The following EPB41L2 variants were observed in gnomAD, a reference collection of about 807,000 sequenced individuals.
The protein encoded by EPB41L2 is band 4.1-like protein 2.
EPB41L2 carries 43 observed loss-of-function variants against 113.0 expected under a neutral mutation model. The ratio of observed to expected loss-of-function variants is 0.38; its 90% CI spans 0.30 to 0.49. The LOEUF is 0.49. Ranked by LOEUF, EPB41L2 falls within the 20% of genes least tolerant of loss-of-function variation. The pLI is 0.95. For synonymous variants in EPB41L2, 442 were observed against 436.7 expected, an observed-to-expected ratio of 1.01 and a Z score of -0.15; for missense variants, 1,147 against 1,223.4, an observed-to-expected ratio of 0.94 and a Z score of 0.93.
intron 1 of EPB41L2, among the ~76,000 whole-genome samples, chr6:130,966,988 C>G (rs1303936224): frequency 6.6e-6 from 1 of 152,174 alleles, no homozygotes; most frequent in Non-Finnish European, 1.5e-5. Context: ...CCACTTACCC[C>G]CAATCTAGAT....
intron 18 of EPB41L2, among the ~76,000 whole-genome samples, chr6:130,863,242 T>C (rs945092664): frequency 4.6e-5 from 7 of 152,214 alleles, no homozygotes; most frequent in East Asian, 1.9e-4. Flanking sequence ...ATAAATATAC[T>C]TGAAAAGTTC....
intron 8 of EPB41L2, 102 bp downstream of exon 8, chr6:130,899,389 T>C (rs1227605417): frequency 1.1e-6 from 1 of 906,748 alleles, no homozygotes; most frequent in Admixed American, 2.0e-5. Flanking sequence ...AAAGCAAATA[T>C]CCTTTTCCCA....
chr6:130,953,350 G>A (rs1184279109), intron 3 of EPB41L2, among the ~76,000 whole-genome samples: 2 of 152,098 alleles, frequency 1.3e-5, no homozygotes, highest in Non-Finnish European at 2.9e-5. Flanking sequence ...AAAGCTTTAA[G>A]GACTGCCATG....
intron 19 of EPB41L2, among the ~76,000 whole-genome samples, chr6:130,851,114 C>G (rs1362833620): frequency 6.6e-6 from 1 of 152,098 alleles, no homozygotes; most frequent in African/African-American, 2.4e-5. Flanking sequence ...AATAAAAATG[C>G]AACACACCTG....
chr6:130,894,814 C>CCAAAAAAA (rs1794104306), intron 9 of EPB41L2, among the ~76,000 whole-genome samples, 153 bp downstream of exon 9: 1 of 152,002 alleles, frequency 6.6e-6, no homozygotes, highest in African/African-American at 2.4e-5. Flanking sequence ...CGTATATATA[C>CCAAAAAAA]TGCAATTTTA....
intron 19 of EPB41L2, among the ~76,000 whole-genome samples, chr6:130,856,753 T>C (rs1326435090): frequency 6.6e-6 from 1 of 152,240 alleles, no homozygotes; most frequent in Non-Finnish European, 1.5e-5. Flanking sequence ...TGTGTTATTG[T>C]GTGATAAGAC....
At chr6:130,951,724 A>G (rs1009143260) in intron 3 of EPB41L2, among the ~76,000 whole-genome samples, 1 of 151,988 alleles carries the variant, frequency 6.6e-6, no homozygotes, top group Admixed American at 6.6e-5. Flanking sequence ...TTCCCATGAG[A>G]GGATCATACT....
At chr6:130,999,490 G>GTTT (rs1783869501) in intron 1 of EPB41L2, among the ~76,000 whole-genome samples, 1 of 152,110 alleles carries the variant, frequency 6.6e-6, no homozygotes, top group Non-Finnish European at 1.5e-5. Flanking sequence ...GCACTCTACT[G>GTTT]GAACAAATAT....
intron 1 of EPB41L2, among the ~76,000 whole-genome samples, chr6:130,959,857 T>C (rs548240606): frequency 6.6e-6 from 1 of 152,308 alleles, no homozygotes; most frequent in East Asian, 1.9e-4. Flanking sequence ...CAAGATAAAT[T>C]GGCAGCTCTC....
intron 1 of EPB41L2, among the ~76,000 whole-genome samples, chr6:131,017,160 T>C (rs562694667): frequency 1.3e-5 from 2 of 152,186 alleles, no homozygotes; most frequent in Non-Finnish European, 2.9e-5. Context: ...TGTCATATTA[T>C]CTCATAAAGT....
At chr6:130,943,487 T>C (rs1811606914) in intron 3 of EPB41L2, among the ~76,000 whole-genome samples, 1 of 152,220 alleles carries the variant, frequency 6.6e-6, no homozygotes, top group African/African-American at 2.4e-5. Flanking sequence ...GGGTAAAAAC[T>C]TACTAAGTGG....
chr6:131,055,807 T>C (rs1338356122), intron 1 of EPB41L2, among the ~76,000 whole-genome samples: 4 of 152,098 alleles, frequency 2.6e-5, no homozygotes, highest in Non-Finnish European at 4.4e-5. Context: ...GTACCAATTA[T>C]AGCACCTGGT....
intron 1 of EPB41L2, among the ~76,000 whole-genome samples, chr6:131,058,236 T>C (rs576089038): frequency 6.6e-6 from 1 of 152,310 alleles, no homozygotes; most frequent in Admixed American, 6.5e-5. Context: ...ATGAATGCAC[T>C]CATAGATCAC....
At chr6:131,062,248 G>A (rs1488113271) in intron 1 of EPB41L2, 1 of 151,780 alleles carries the variant, frequency 6.6e-6, no homozygotes, top group African/African-American at 2.4e-5. Context: ...ATCTAGAGAA[G>A]CATAACTGAT....
chr6:130,922,058 G>A (rs1289991453), intron 4 of EPB41L2, among the ~76,000 whole-genome samples: 1 of 152,208 alleles, frequency 6.6e-6, no homozygotes, highest in Non-Finnish European at 1.5e-5. Flanking sequence ...TTCTATGTGT[G>A]TGTGCATATG....
chr6:130,849,264 C>A (rs1778052060), intron 19 of EPB41L2, among the ~76,000 whole-genome samples: 1 of 152,212 alleles, frequency 6.6e-6, no homozygotes, highest in Non-Finnish European at 1.5e-5. Context: ...AAATTGCTGA[C>A]TATCTTCTAA....
At chr6:130,964,879 A>G (rs1774627305) in intron 1 of EPB41L2, among the ~76,000 whole-genome samples, 1 of 152,196 alleles carries the variant, frequency 6.6e-6, no homozygotes, top group South Asian at 2.1e-4. Flanking sequence ...AATAAAGAGA[A>G]GTGCCAGAAT....
At chr6:130,858,279 G>T (rs768933524) in intron 18 of EPB41L2, 36 bp from the exon 19 acceptor site, 1 of 1,556,502 alleles carries the variant, frequency 6.4e-7, no homozygotes, top group Non-Finnish European at 8.8e-7. Flanking sequence ...CTGTGAGCTG[G>T]GGAACAGCCT....
Position 130,929,899 on chromosome 6 carries a change from A to G in EPB41L2, c.706-3190T>C, listed in dbSNP as rs1048887815. On this transcript the variant is annotated intron_variant, in intron 3 of 19. Coordinates refer to ENST00000337057, the MANE Select transcript of EPB41L2 (RefSeq NM_001431.4). ...CACACACACACACACACACACACAT[A>G]CACGCACAGTCATAAAGTGGTATAA... Among the ~76,000 whole-genome samples, 177 of 109,332 alleles carry G rather than the reference A, an allele frequency of 1.6e-3. 2 individuals are homozygous for G. Among genetic ancestry groups the G allele is most frequent in the Non-Finnish European group, 4.7e-4 (22 of 47,022 alleles). The allele number at this position is 109,332 out of a possible 152,430, so 71.7% of individuals were successfully genotyped here. A position where few individuals can be genotyped will look rare whatever the true frequency, so the allele number is the denominator to read the frequency against.
Sources: gnomAD v4.1 joint callset for allele counts (sites outside exome capture counted in the v4.1 genomes callset) on GRCh38, gnomAD v4.1.1 for gene constraint, MANE v1.5 for transcripts, NCBI Gene and HGNC (gene_info 2026-07-23, HGNC 2026-07-21) for gene names.